CCDC82: variants seen among roughly 807,000 people sequenced by gnomAD.
CCDC82 encodes the protein coiled-coil domain containing 82.
CCDC82 carries 47 observed loss-of-function variants against 60.6 expected under a neutral mutation model. The ratio of observed to expected loss-of-function variants is 0.77; its 90% CI spans 0.61 to 0.99. The LOEUF is 0.99. Among genes scored for constraint, CCDC82 ranks in the 50% least tolerant of loss-of-function variants. The pLI, the probability that CCDC82 is intolerant of heterozygous loss-of-function variation, is 0.00. For synonymous variants in CCDC82, 212 were observed against 207.4 expected (o/e 1.02, Z -0.19); for missense variants, 588 against 633.0 (o/e 0.93, Z 0.76).
At chr11:96,361,912 C>T (rs750406896) in intron 8 of CCDC82, among the ~76,000 whole-genome samples, 1 of 152,070 alleles carries the variant, frequency 6.6e-6, no homozygotes, top group Non-Finnish European at 1.5e-5. Context: ...TGAGTGTTCA[C>T]AAAGCAAATA....
chr11:96,377,375 C>CACAT lies in CCDC82; in HGVS notation c.992-3912_992-3909dup, dbSNP rs1565316433. Among the ~76,000 whole-genome samples the CACAT allele has an allele frequency of 3.3e-5, 5 of 151,492 alleles. No individual in the cohort carries two copies. The South Asian group carries it at 8.3e-4, about 25-fold the overall frequency. ...TACATAATACACACACACACACACA[C>CACAT]ACATATTATGTTCAAATAATGTCTT... On this transcript the variant is annotated intron_variant, in intron 5 of 9. Coordinates refer to ENST00000646818, the MANE Select transcript of CCDC82 (RefSeq NM_024725.4).
chr11:96,356,124 A>AC (rs1167870578), intron 9 of CCDC82: 1 of 152,214 alleles, frequency 6.6e-6, no homozygotes, highest in Non-Finnish European at 1.5e-5. Flanking sequence ...TTTAACATCC[A>AC]CAAGGATTGT....
intron 7 of CCDC82, among the ~76,000 whole-genome samples, chr11:96,370,760 T>C (rs1012970269): frequency 2.0e-5 from 3 of 152,226 alleles, no homozygotes; most frequent in African/African-American, 4.8e-5. Flanking sequence ...AATCTTCTCA[T>C]TTTAAAAGAT....
At chr11:96,384,897 A>G (rs1297678821) in intron 3 of CCDC82, 136 bp from the exon 4 acceptor site, 2 of 558,742 alleles carry the variant, frequency 3.6e-6, no homozygotes, top group South Asian at 2.9e-5. Context: ...ATCTGAGTGA[A>G]GATGGTAGAA....
chr11:96,367,650 C>A (rs1159865234), intron 7 of CCDC82, among the ~76,000 whole-genome samples: 2 of 152,114 alleles, frequency 1.3e-5, no homozygotes, highest in Non-Finnish European at 2.9e-5. Context: ...GAATCAAATT[C>A]TTTCAATTTA....
chr11:96,378,911 T>C (rs2136179890), intron 5 of CCDC82, among the ~76,000 whole-genome samples: 1 of 152,120 alleles, frequency 6.6e-6, no homozygotes, highest in East Asian at 1.9e-4. Flanking sequence ...AACTACCCTG[T>C]GGTGCATCTC....
At chr11:96,356,840 T>G (rs945864775) in intron 9 of CCDC82, 3 of 985,232 alleles carry the variant, frequency 3.0e-6, no homozygotes, top group Non-Finnish European at 3.6e-6. Context: ...TGAGACATCC[T>G]GAGATAATTA....
chr11:96,367,091 T>G (rs997999884), intron 7 of CCDC82, among the ~76,000 whole-genome samples: 2 of 152,366 alleles, frequency 1.3e-5, no homozygotes, highest in African/African-American at 4.8e-5. Context: ...TTTTTGCTGA[T>G]AGAGGGTCTT....
intron 5 of CCDC82, among the ~76,000 whole-genome samples, chr11:96,374,250 A>C (rs1377657266): frequency 6.6e-6 from 1 of 152,206 alleles, no homozygotes; most frequent in Non-Finnish European, 1.5e-5. Context: ...GAGTATTTCG[A>C]GAAATATAGA....
chr11:96,361,361 T>C (rs144739973), intron 8 of CCDC82, among the ~76,000 whole-genome samples: 1 of 152,358 alleles, frequency 6.6e-6, no homozygotes, highest in African/African-American at 2.4e-5. Flanking sequence ...TTTTCCTGTA[T>C]GAAAAACAAG....
rs1864507814 is a variant in CCDC82 at position 96,359,249 on chromosome 11, G to C, written c.1381-71C>G. ...CTTTCTGGTTTTTGGATTTTCTTTAGTAGTAGAATCAAAATGCATTATTAA... is the reference window on the plus strand; with the variant it reads ...CTTTCTGGTTTTTGGATTTTCTTTACTAGTAGAATCAAAATGCATTATTAA... On this transcript the variant is annotated intron_variant, in intron 8 of 9. Coordinates refer to ENST00000646818, the MANE Select transcript of CCDC82 (RefSeq NM_024725.4). 3 of 1,245,598 alleles carry C rather than the reference G, an allele frequency of 2.4e-6. No individual in the cohort carries two copies. In the East Asian group the frequency reaches 8.1e-5, roughly 33 times the overall value. 77.2% of individuals were successfully genotyped at this position (1,245,598 alleles called of 1,614,324 possible). A position where few individuals can be genotyped will look rare whatever the true frequency, so the allele number is the denominator to read the frequency against.
intron 7 of CCDC82, among the ~76,000 whole-genome samples, chr11:96,370,057 C>T (rs902329784): frequency 3.3e-5 from 5 of 152,242 alleles, no homozygotes; most frequent in South Asian, 2.1e-4. Flanking sequence ...AAACTCAAGC[C>T]ATCCTCCAAC....
intron 5 of CCDC82, among the ~76,000 whole-genome samples, chr11:96,377,699 T>C (rs1241145315): frequency 1.3e-5 from 2 of 152,092 alleles, no homozygotes; most frequent in Non-Finnish European, 2.9e-5. Context: ...TAATGTAATA[T>C]ATTAATGACT....
intron 6 of CCDC82, among the ~76,000 whole-genome samples, chr11:96,372,145 A>T (rs1865307153): frequency 6.6e-6 from 1 of 151,556 alleles, no homozygotes; most frequent in Non-Finnish European, 1.5e-5. Flanking sequence ...CACCAAACTT[A>T]CTCTTTCCTA....
intron 6 of CCDC82, among the ~76,000 whole-genome samples, 164 bp downstream of exon 6, chr11:96,373,211 A>G (rs889282809): frequency 6.6e-6 from 1 of 152,230 alleles, no homozygotes; most frequent in African/African-American, 2.4e-5. Context: ...AGCATTTTAC[A>G]TGAATGGAGT....
intron 1 of CCDC82, chr11:96,388,406 G>C (rs999165697): frequency 6.6e-6 from 1 of 152,148 alleles, no homozygotes; most frequent in African/African-American, 2.4e-5. Flanking sequence ...GAAAAACAGA[G>C]ACTCCAAACA....
At position 96,367,850 on chromosome 11, in the gene CCDC82, C is replaced by A. The variant is rs1865033342; in HGVS notation, c.1210-2700G>T. Reference sequence around the variant, plus strand: ...TTTTTTTTTTTTTTTGAGACAGGGTCTTGCTGTGTCACCCAGACTGAGTGC... The same window carrying A: ...TTTTTTTTTTTTTTTGAGACAGGGTATTGCTGTGTCACCCAGACTGAGTGC... On this transcript the variant is annotated intron_variant, in intron 7 of 9. Coordinates refer to ENST00000646818, the MANE Select transcript of CCDC82 (RefSeq NM_024725.4). Among the ~76,000 whole-genome samples, 3 of 120,912 alleles carry A rather than the reference C, an allele frequency of 2.5e-5. No homozygotes were observed. In the South Asian group the frequency reaches 7.7e-4, roughly 31 times the overall value. The allele number at this position is 120,912 out of a possible 152,430, so 79.3% of individuals were successfully genotyped here.
chr11:96,379,467 AC>A lies in CCDC82; in HGVS notation c.991+3801del, dbSNP rs1009353515. 2.9e-4 allele frequency among the ~76,000 whole-genome samples: 43 copies of A among 147,552 alleles called. 1 individual carries two copies. The highest frequency in any genetic ancestry group is 1.1e-3 in the African/African-American group (41 of 37,406). On this transcript the variant is annotated intron_variant, in intron 5 of 9. Transcript: ENST00000646818. Reference sequence around the variant, plus strand: ...TATCTTAATCATCTATAGGAACTTAACAATGAGTTCCTATAAGGTGTCACGA... The same window carrying A: ...TATCTTAATCATCTATAGGAACTTAAAATGAGTTCCTATAAGGTGTCACGA...
In CCDC82 at chr11:96,384,728, T is replaced by C. The variant is rs1346871581; in HGVS notation, c.20A>G (p.His7Arg). The change falls in exon 4 of 10, where the codon CAT (histidine) becomes CGT (arginine). Residue 7 changes from histidine (H) to arginine (R), a missense_variant. By Grantham distance (29) the His-to-Arg change is conservative (BLOSUM62 0). Coordinates refer to ENST00000646818, the MANE Select transcript of CCDC82 (RefSeq NM_024725.4). The stretch of plus-strand genomic sequence containing the variant: ...ACTCTTAGAATTTCTCCTTGTTTCA[T>C]GTCTTCTAACATGTATCATTTTCAC... MIHVRR[H>R]ETRRNSKSHV... 6.8e-6 allele frequency: 11 copies of C among 1,606,922 alleles called. No homozygotes were observed. The highest frequency in any genetic ancestry group is 2.2e-5 in the East Asian group (1 of 44,850).
Sources: allele counts gnomAD v4.1 joint callset (sites outside exome capture counted in the v4.1 genomes callset), GRCh38; gene constraint gnomAD v4.1.1; transcripts MANE v1.5; gene names NCBI Gene and HGNC (gene_info 2026-07-23, HGNC 2026-07-21).